CADPS2: variants seen among roughly 807,000 people sequenced by gnomAD.
CADPS2 encodes the protein calcium-dependent secretion activator 2.
In CADPS2, 93 loss-of-function variants were observed where a neutral mutation model predicts 172.5. The ratio of observed to expected loss-of-function variants is 0.54; its 90% CI spans 0.46 to 0.64. CADPS2 has a LOEUF of 0.64. Among genes scored for constraint, CADPS2 ranks in the 30% least tolerant of loss-of-function variants. CADPS2 has a pLI of 0.00. For synonymous variants in CADPS2, 546 were observed against 555.2 expected (o/e 0.98, Z 0.23); for missense variants, 1,420 against 1,565.9 (o/e 0.91, Z 1.57).
intron 11 of CADPS2, among the ~76,000 whole-genome samples, chr7:122,489,235 A>C (rs1307560956): frequency 6.6e-6 from 1 of 152,232 alleles, no homozygotes; most frequent in East Asian, 1.9e-4. Context: ...GGATGCCCAG[A>C]AATGATACTG....
intron 3 of CADPS2, among the ~76,000 whole-genome samples, chr7:122,659,064 A>C (rs888929074): frequency 4.6e-5 from 7 of 152,050 alleles, no homozygotes; most frequent in Admixed American, 4.6e-4. Flanking sequence ...TATCTGGCTT[A>C]CAACAAAAAA....
intron 17 of CADPS2, among the ~76,000 whole-genome samples, chr7:122,418,111 A>C (rs2048140501): frequency 6.6e-6 from 1 of 151,874 alleles, no homozygotes; most frequent in Admixed American, 6.6e-5. Context: ...CAGAGGTTGC[A>C]GTGAGCCAAT....
intron 13 of CADPS2, among the ~76,000 whole-genome samples, chr7:122,472,193 G>A (rs1586384833): frequency 6.6e-6 from 1 of 152,302 alleles, no homozygotes; most frequent in East Asian, 1.9e-4. Flanking sequence ...TGGAGGACAG[G>A]TTAGGTGGAG....
chr7:122,476,281 A>G lies in CADPS2; in HGVS notation c.1862-1764T>C, dbSNP rs1017363692. Among the ~76,000 whole-genome samples the G allele has an allele frequency of 5.6e-4, 85 of 152,172 alleles. 1 individual carries two copies. The highest frequency in any genetic ancestry group is 1.9e-3 in the African/African-American group (77 of 41,566). ...GAGAAGGTTACAACAGGAGTTAAAA[A>G]TAATGCCCATTAATGGTTAATCTGT... On this transcript the variant is annotated intron_variant, in intron 12 of 29. Coordinates refer to ENST00000449022, the MANE Select transcript of CADPS2 (RefSeq NM_017954.11).
chr7:122,420,878 C>T (rs2048457864), intron 17 of CADPS2: 1 of 152,158 alleles, frequency 6.6e-6, no homozygotes, highest in East Asian at 1.9e-4. Context: ...TTTAATTATA[C>T]CTCCATACAT....
chr7:122,466,211 A>G (rs1024977169), intron 14 of CADPS2, among the ~76,000 whole-genome samples: 2 of 152,168 alleles, frequency 1.3e-5, no homozygotes, highest in Admixed American at 1.3e-4. Context: ...TCTTCCTCAG[A>G]CCTTCAGCAG....
At chr7:122,776,284 T>C (rs914435233) in intron 1 of CADPS2, among the ~76,000 whole-genome samples, 1 of 152,224 alleles carries the variant, frequency 6.6e-6, no homozygotes, top group African/African-American at 2.4e-5. Context: ...CATGCTCTCT[T>C]GCATGCTGCC....
chr7:122,789,353 A>T (rs1046573536), intron 1 of CADPS2, among the ~76,000 whole-genome samples: 5 of 152,180 alleles, frequency 3.3e-5, no homozygotes, highest in African/African-American at 4.8e-5. Context: ...ATTGGCCTTT[A>T]ACTGGTTCGT....
chr7:122,742,079 G>A (rs2092507073), intron 1 of CADPS2, among the ~76,000 whole-genome samples: 3 of 152,004 alleles, frequency 2.0e-5, no homozygotes, highest in Non-Finnish European at 4.4e-5. Context: ...GCGCAGAGTC[G>A]CTATTATAGC....
chr7:122,427,956 A>C (rs1223548000), intron 17 of CADPS2, among the ~76,000 whole-genome samples: 1 of 152,036 alleles, frequency 6.6e-6, no homozygotes, highest in African/African-American at 2.4e-5. Flanking sequence ...GAGTTTCAAA[A>C]TTTTCTTCAT....
At chr7:122,562,576 T>C (rs574754594) in intron 7 of CADPS2, among the ~76,000 whole-genome samples, 9 of 152,294 alleles carry the variant, frequency 5.9e-5, no homozygotes, top group African/African-American at 2.2e-4. Flanking sequence ...TTTATATTGT[T>C]TTAAGTCACT....
chr7:122,822,721 A>T (rs1160147808), intron 1 of CADPS2, among the ~76,000 whole-genome samples: 1 of 151,844 alleles, frequency 6.6e-6, no homozygotes, highest in Non-Finnish European at 1.5e-5. Context: ...TCCTTGCCTT[A>T]AGTGATGACA....
intron 1 of CADPS2, among the ~76,000 whole-genome samples, chr7:122,861,053 TGTA>T (rs1816831672): frequency 6.6e-6 from 1 of 152,240 alleles, no homozygotes; most frequent in Non-Finnish European, 1.5e-5. Context: ...TGTACAGTAC[TGTA>T]GTAAACATGG....
At position 122,519,863 on chromosome 7, in the gene CADPS2, AT is replaced by A. The variant is rs112530002; in HGVS notation, c.1476-6549del. Among the ~76,000 whole-genome samples the A allele has an allele frequency of 7.1e-3, 1,078 of 151,352 alleles. 10 individuals carry two copies. Among genetic ancestry groups the A allele is most frequent in the African/African-American group, 0.024 (992 of 41,318 alleles). The stretch of plus-strand genomic sequence containing the variant: ...TTTTTAAATGGTATTTGCCTAATTG[AT>A]TTTTTTTTAAAGGAAATGGCCAGTC... On this transcript the variant is annotated intron_variant, in intron 8 of 29. Transcript: ENST00000449022.
intron 3 of CADPS2, among the ~76,000 whole-genome samples, chr7:122,651,004 T>C (rs1444670054): frequency 6.6e-6 from 1 of 152,098 alleles, no homozygotes; most frequent in Non-Finnish European, 1.5e-5. Flanking sequence ...CAAACACAAA[T>C]CTGCCATTTA....
chr7:122,595,160 C>CAA (rs36106438), intron 6 of CADPS2, among the ~76,000 whole-genome samples: 3 of 131,326 alleles, frequency 2.3e-5, no homozygotes, highest in African/African-American at 8.2e-5. Flanking sequence ...TTATATGAAC[C>CAA]AAAAAAAAAA....
At chr7:122,440,405 T>A (rs1023766436) in intron 16 of CADPS2, 3 of 152,228 alleles carry the variant, frequency 2.0e-5, no homozygotes, top group African/African-American at 7.2e-5. Flanking sequence ...TAGGATGACA[T>A]GAATACTTTG....
intron 6 of CADPS2, among the ~76,000 whole-genome samples, chr7:122,592,394 T>A (rs1339764419): frequency 2.0e-5 from 3 of 152,192 alleles, no homozygotes; most frequent in African/African-American, 7.2e-5. Flanking sequence ...TTGGTGGGAC[T>A]GTAAACTAGT....
At chr7:122,376,848 G>GT (rs2042423934) in intron 25 of CADPS2, among the ~76,000 whole-genome samples, 1 of 151,982 alleles carries the variant, frequency 6.6e-6, no homozygotes, top group Non-Finnish European at 1.5e-5. Flanking sequence ...AACTCATCTT[G>GT]TATATATTAA....
Sources: allele counts gnomAD v4.1 joint callset (sites outside exome capture counted in the v4.1 genomes callset), GRCh38; gene constraint gnomAD v4.1.1; transcripts MANE v1.5; gene names NCBI Gene and HGNC (gene_info 2026-07-23, HGNC 2026-07-21).